The following TM6SF1 variants were observed in gnomAD, a reference collection of about 807,000 sequenced individuals.
TM6SF1 encodes the protein transmembrane 6 superfamily member 1.
TM6SF1 carries 43 observed loss-of-function variants against 47.1 expected under a neutral mutation model. The observed-to-expected ratio is 0.91, with a 90% CI of 0.72 to 1.18. The LOEUF (loss-of-function observed/expected upper bound fraction) is 1.18. Among genes scored for constraint, TM6SF1 ranks in the 50% most tolerant of loss-of-function variants. The pLI is 0.00. For synonymous variants in TM6SF1, 177 were observed against 166.3 expected, an observed-to-expected ratio of 1.06 and a Z score of -0.49; for missense variants, 390 against 449.0, an observed-to-expected ratio of 0.87 and a Z score of 1.19.
intron 9 of TM6SF1, chr15:83,131,360 G>C (rs28556618): frequency 1.3e-5 from 2 of 152,220 alleles, no homozygotes; most frequent in African/African-American, 4.8e-5. Context: ...GCCAGGCGCA[G>C]TGGCTCACAC....
At chr15:83,123,019 C>A in intron 6 of TM6SF1, 141 bp downstream of exon 6, 1 of 901,814 alleles carries the variant, frequency 1.1e-6, no homozygotes, top group East Asian at 2.6e-5. Context: ...GATTATGTAG[C>A]ATTAGCTTAC....
chr15:83,121,456 C>T (rs774674920), intron 4 of TM6SF1, among the ~76,000 whole-genome samples: 10 of 152,168 alleles, frequency 6.6e-5, no homozygotes, highest in Non-Finnish European at 1.3e-4. Flanking sequence ...GGGTACATGT[C>T]ACTTGTCTTC....
chr15:83,108,074 G>C (rs556211613), intron 1 of TM6SF1, among the ~76,000 whole-genome samples: 52 of 152,316 alleles, frequency 3.4e-4, no homozygotes, highest in African/African-American at 1.3e-3. Flanking sequence ...CCCTGGAGGG[G>C]CCCAGGGGCC....
chr15:83,133,506 AT>A (rs1243523129), intron 9 of TM6SF1: 2 of 152,252 alleles, frequency 1.3e-5, no homozygotes, highest in East Asian at 3.8e-4. Context: ...ATATCTCTTA[AT>A]TATTTCTGTA....
Position 83,122,883 on chromosome 15 carries a change from T to C in TM6SF1, c.603+5T>C, listed in dbSNP as rs776623591. ...AATTATAATTACCCCTCAAAGGTGA[T>C]TTTATTAAGCTTTGATGTACCCTGT... On this transcript the variant is annotated splice_donor_5th_base_variant and intron_variant, in intron 6 of 9. Coordinates refer to ENST00000322019, the MANE Select transcript of TM6SF1 (RefSeq NM_023003.5). The C allele has an allele frequency of 1.9e-6, 3 of 1,613,818 alleles. No individual in the cohort carries two copies. The Admixed American group carries it at 5.0e-5, about 27-fold the overall frequency.
Position 83,112,636 on chromosome 15 carries a change from G to C in TM6SF1, c.93-161G>C, listed in dbSNP as rs899262015. The C allele has an allele frequency of 4.7e-6, 3 of 633,772 alleles. No individual in the cohort carries two copies. In the African/African-American group the frequency reaches 5.5e-5, roughly 12 times the overall value. 39.3% of individuals were successfully genotyped at this position (633,772 alleles called of 1,614,324 possible). A position where few individuals can be genotyped will look rare whatever the true frequency, so the allele number is the denominator to read the frequency against. Reference sequence around the variant, plus strand: ...AGCCCAGATGGGCCAAAGAGCTGCAGATAAACTTCACTAACTCTACAGTGC... The same window carrying C: ...AGCCCAGATGGGCCAAAGAGCTGCACATAAACTTCACTAACTCTACAGTGC... On this transcript the variant is annotated intron_variant, in intron 1 of 9. Coordinates refer to ENST00000322019, the MANE Select transcript of TM6SF1 (RefSeq NM_023003.5).
In TM6SF1 at chr15:83,136,558, C is replaced by A. The variant is rs754009945; in HGVS notation, c.999C>A (p.Ile333=). 6.2e-7 allele frequency: 1 copy of A among 1,613,720 alleles called. No individual in the cohort carries two copies. Among genetic ancestry groups the A allele is most frequent in the Admixed American group, 1.7e-5 (1 of 59,950 alleles). Reference sequence around the variant, plus strand: ...ACAGAGTCCCTGAAGAAGCAAAAATCCTTTTTTTAGCATTAAACATAGCAT... The same window carrying A: ...ACAGAGTCCCTGAAGAAGCAAAAATACTTTTTTTAGCATTAAACATAGCAT... ...YVYRVPEEAK[I]LFLALNIAYG... The change falls in exon 10 of 10, where the codon ATC becomes ATA. Residue 333 remains isoleucine (I), a synonymous_variant. Transcript: ENST00000322019.
chr15:83,127,576 T>C (rs771798887), intron 9 of TM6SF1, 99 bp downstream of exon 9: 214 of 1,334,554 alleles, frequency 1.6e-4, no homozygotes, highest in Admixed American at 3.3e-4. Context: ...GACTAGGAGA[T>C]AGCTATTAGA....
chr15:83,112,133 A>G (rs2034244561), intron 1 of TM6SF1, among the ~76,000 whole-genome samples: 1 of 151,872 alleles, frequency 6.6e-6, no homozygotes, highest in Non-Finnish European at 1.5e-5. Context: ...CATCCAGGGG[A>G]TGTACTCAAC....
At chr15:83,117,257 C>G (rs371888508) in intron 3 of TM6SF1, among the ~76,000 whole-genome samples, 3 of 152,212 alleles carry the variant, frequency 2.0e-5, no homozygotes, top group Admixed American at 2.0e-4. Flanking sequence ...CCCTGGGGCA[C>G]CAATCTGCAA....
In TM6SF1 at chr15:83,119,601, A is replaced by G. The variant is rs765426109; in HGVS notation, c.318A>G (p.Ala106=). 3 of 1,614,210 alleles carry G rather than the reference A, an allele frequency of 1.9e-6. No homozygotes were observed. In the South Asian group the frequency reaches 3.3e-5, roughly 18 times the overall value. The change falls in exon 4 of 10, where the codon GCA becomes GCG. Residue 106 remains alanine (A), a synonymous_variant. Transcript: ENST00000322019. The part of the protein sequence containing the change: ...LREGEPYLNT[A]YGHMICYWDG... ...AGGGTGAACCGTATCTGAACACCGC[A>G]TATGGGCACATGATCTGCTACTGGG...
chr15:83,131,928 T>C (rs1032676814), intron 9 of TM6SF1: 3 of 152,214 alleles, frequency 2.0e-5, no homozygotes, highest in African/African-American at 7.2e-5. Context: ...ATTGAAGCAT[T>C]TTCTCTGCTA....
At chr15:83,115,785 A>G (rs181206402) in intron 2 of TM6SF1, 60 bp from the exon 3 acceptor site, 3 of 1,113,662 alleles carry the variant, frequency 2.7e-6, no homozygotes, top group East Asian at 2.3e-5. Flanking sequence ...GCTGATGCCA[A>G]GCTTGTAGTA....
chr15:83,126,995 A>G, intron 8 of TM6SF1, 148 bp downstream of exon 8: 1 of 616,182 alleles, frequency 1.6e-6, no homozygotes, highest in Non-Finnish European at 2.7e-6. Context: ...GTTTGAAACC[A>G]GCCTGGCCAG....
In TM6SF1 at chr15:83,115,839, C is replaced by CTCTA; in HGVS notation, c.197-5_197-2dup. The CTCTA allele has an allele frequency of 6.2e-7, 1 of 1,608,126 alleles. No individual in the cohort carries two copies. The highest frequency in any genetic ancestry group is 8.5e-7 in the Non-Finnish European group (1 of 1,174,600). ...GCTTTTTAAACTGCTGCTTTCTTTG[C>CTCTA]TCTAGTGTATGCAGTTTTTGGATTT... is the stretch of plus-strand genomic sequence containing the variant. On this transcript the variant is annotated splice_polypyrimidine_tract_variant and splice_region_variant and intron_variant, in intron 2 of 9. Coordinates refer to ENST00000322019, the MANE Select transcript of TM6SF1 (RefSeq NM_023003.5).
chr15:83,115,921 C>A lies in TM6SF1; in HGVS notation c.273C>A (p.Phe91Leu). The change falls in exon 3 of 10, where the codon TTC becomes TTA. Residue 91 changes from phenylalanine (F) to leucine (L), a missense_variant. By Grantham distance (22) the Phe-to-Leu change is conservative. Coordinates refer to ENST00000322019, the MANE Select transcript of TM6SF1 (RefSeq NM_023003.5). ...AGCAAGATGGAATCATTGACGGGTT[C>A]ATGACACACTACTTGAGAGAGGTAT... Reference protein sequence around the residue: ...GLEQDGIIDGFMTHYLREGEP... With the variant: ...GLEQDGIIDGLMTHYLREGEP... The A allele has an allele frequency of 6.2e-7, 1 of 1,613,916 alleles. No individual in the cohort carries two copies. Among genetic ancestry groups the A allele is most frequent in the African/African-American group, 1.3e-5 (1 of 75,044 alleles).
chr15:83,121,897 AT>A lies in TM6SF1; in HGVS notation c.399-17del, dbSNP rs752899796. 70 of 1,567,816 alleles carry A rather than the reference AT, an allele frequency of 4.5e-5. No homozygotes were observed. In the African/African-American group the frequency reaches 7.1e-4, roughly 16 times the overall value. ...TCTAAGACAAACATACCAAGTCAAG[AT>A]TTTTTTGTTGTTGTTGTTACAGGGA... On this transcript the variant is annotated intron_variant, in intron 4 of 9. Coordinates refer to ENST00000322019, the MANE Select transcript of TM6SF1 (RefSeq NM_023003.5).
intron 3 of TM6SF1, 52 bp from the exon 4 acceptor site, chr15:83,119,526 C>T: frequency 6.3e-7 from 1 of 1,579,030 alleles, no homozygotes; most frequent in South Asian, 1.1e-5. Flanking sequence ...GTCTGATGTT[C>T]TGCATTTACA....
At chr15:83,120,065 C>T (rs571047434) in intron 4 of TM6SF1, 1 of 209,700 alleles carries the variant, frequency 4.8e-6, no homozygotes, top group Non-Finnish European at 9.8e-6. Flanking sequence ...CACAGCTCTG[C>T]GGCTTGGCTC....
Sources: allele counts gnomAD v4.1 joint callset (sites outside exome capture counted in the v4.1 genomes callset), GRCh38; gene constraint gnomAD v4.1.1; transcripts MANE v1.5; gene names NCBI Gene and HGNC (gene_info 2026-07-23, HGNC 2026-07-21).